RAP1GAP: variants seen among roughly 807,000 people sequenced by gnomAD.
RAP1GAP encodes the protein RAP1 GTPase activating protein.
Under a neutral mutation model 87.2 loss-of-function variants are expected in RAP1GAP, and 35 were observed. That is an observed-to-expected ratio of 0.40 (90% CI 0.31 to 0.53). The LOEUF is 0.53. RAP1GAP is among the 20% of genes least tolerant of loss of function. The pLI is 0.48. For synonymous variants in RAP1GAP, 375 were observed against 363.9 expected, an observed-to-expected ratio of 1.03 and a Z score of -0.35; for missense variants, 734 against 898.9, an observed-to-expected ratio of 0.82 and a Z score of 2.35.
chr1:21,649,910 C>T, intron 1 of RAP1GAP, 114 bp from the exon 2 acceptor site: 2 of 1,132,042 alleles, frequency 1.8e-6, no homozygotes, highest in Non-Finnish European at 1.3e-6. Context: ...TGGAGAAGGT[C>T]CTGTTTCTAA....
rs74060015 is a variant in RAP1GAP, at chr1:21,600,223, C to T, written c.1653-606G>A. On this transcript the variant is annotated intron_variant, in intron 20 of 24. Coordinates refer to ENST00000374765, the MANE Select transcript of RAP1GAP (RefSeq NM_002885.4). ...CTCAAATCCCGAAAAGCAAATGTGC[C>T]TTTAAAAAATCAGCCTAGGGCTCTC... Among the ~76,000 whole-genome samples the T allele has an allele frequency of 6.1e-3, 924 of 152,298 alleles. 7 individuals carry two copies. Among genetic ancestry groups the T allele is most frequent in the Middle Eastern group, 0.024 (7 of 294 alleles).
At chr1:21,628,022 G>A (rs1374559387) in intron 2 of RAP1GAP, among the ~76,000 whole-genome samples, 1 of 152,170 alleles carries the variant, frequency 6.6e-6, no homozygotes, top group Non-Finnish European at 1.5e-5. Flanking sequence ...CAGAGCCTGG[G>A]CAGCTCATGG....
At chr1:21,631,255 G>A (rs974590448) in intron 2 of RAP1GAP, among the ~76,000 whole-genome samples, 3 of 152,214 alleles carry the variant, frequency 2.0e-5, no homozygotes, top group Non-Finnish European at 4.4e-5. Flanking sequence ...AGCAGCTGCG[G>A]GGAGCCCAGA....
In RAP1GAP at chr1:21,613,691, T is replaced by C. The variant is rs749848589; in HGVS notation, c.411A>G (p.Thr137=). Residue 137 remains threonine, a synonymous_variant, in exon 9 of 25, where the codon ACA becomes ACG. Transcript: ENST00000374765. This position sits in a 1 kb window ranked among gnomAD's most constrained non-coding sequence, Gnocchi z 4.7. ...LRLLLRTKCR[T]YHDVIPISCL... ...AGGAGATGGGGATGACATCATGGTA[T>C]GTCCGGCACTTGGTCCTGAGAAGAG... 5 of 1,613,148 alleles carry C rather than the reference T, an allele frequency of 3.1e-6. No individual in the cohort carries two copies. Among genetic ancestry groups the C allele is most frequent in the Non-Finnish European group, 4.2e-6 (5 of 1,179,458 alleles).
intron 1 of RAP1GAP, among the ~76,000 whole-genome samples, chr1:21,663,433 A>C (rs1031784502): frequency 6.6e-6 from 1 of 152,160 alleles, no homozygotes; most frequent in Non-Finnish European, 1.5e-5. Context: ...GGTGATGGTG[A>C]CATCAGCTCA....
intron 16 of RAP1GAP, among the ~76,000 whole-genome samples, 169 bp from the exon 17 acceptor site, chr1:21,608,519 A>C (rs2076242959): frequency 6.7e-6 from 1 of 150,362 alleles, no homozygotes; most frequent in Admixed American, 6.6e-5. Flanking sequence ...TCCACAGCTC[A>C]AGCATCCCCC....
At chr1:21,651,943 C>G in intron 1 of RAP1GAP, 2 of 839,438 alleles carry the variant, frequency 2.4e-6, no homozygotes, top group Non-Finnish European at 2.9e-6. Flanking sequence ...TACGTCCGCG[C>G]CCCAGCGGGC....
Position 21,669,162 on chromosome 1 carries a change from C to T in RAP1GAP, c.-149+92G>A, listed in dbSNP as rs534309377. The T allele has an allele frequency of 7.5e-6, 9 of 1,193,284 alleles. No homozygotes were observed. Among genetic ancestry groups the T allele is most frequent in the South Asian group, 1.5e-5 (1 of 68,366 alleles). 73.9% of individuals were successfully genotyped at this position (1,193,284 alleles called of 1,614,324 possible). A position where few individuals can be genotyped will look rare whatever the true frequency, so the allele number is the denominator to read the frequency against. On this transcript the variant is annotated intron_variant, in intron 1 of 24. Transcript: ENST00000374765. The surrounding 1 kb of genome is among the most constrained non-coding windows in gnomAD (Gnocchi z 5.6). ...CCCCCACCCTCCGTCCCCGCCCGCC[C>T]GCGCGGGGTCTTCGCTGCGAGCCGA...
intron 1 of RAP1GAP, among the ~76,000 whole-genome samples, chr1:21,652,105 A>G (rs991454427): frequency 2.7e-5 from 2 of 74,144 alleles, no homozygotes; most frequent in African/African-American, 5.0e-5. Context: ...CCCCTCCCCC[A>G]CCCCCTTCCC....
In RAP1GAP at chr1:21,666,399, C is replaced by T. The variant is rs114644431; in HGVS notation, c.-149+2855G>A. ...ACCCCAGAGCCGCTTGGAGCCTGCACTGGGTCCTGTCCTGTCTTGGGAAGG... is the reference window on the plus strand; with the variant it reads ...ACCCCAGAGCCGCTTGGAGCCTGCATTGGGTCCTGTCCTGTCTTGGGAAGG... On this transcript the variant is annotated intron_variant, in intron 1 of 24. Coordinates refer to ENST00000374765, the MANE Select transcript of RAP1GAP (RefSeq NM_002885.4). 6.3e-3 allele frequency among the ~76,000 whole-genome samples: 961 copies of T among 152,364 alleles called. 11 individuals are homozygous for T. The highest frequency in any genetic ancestry group is 0.022 in the African/African-American group (916 of 41,594).
intron 2 of RAP1GAP, 118 bp from the exon 3 acceptor site, chr1:21,626,515 G>T (rs1207421719): frequency 2.5e-6 from 2 of 809,318 alleles, no homozygotes; most frequent in Non-Finnish European, 2.1e-6. Flanking sequence ...CGGAGGAGAG[G>T]GTCATGGGTT....
chr1:21,611,775 G>A lies in RAP1GAP; in HGVS notation c.654C>T (p.Pro218=), dbSNP rs200167247. 192 of 1,614,036 alleles carry A rather than the reference G, an allele frequency of 1.2e-4. No individual in the cohort carries two copies. In the Admixed American group the frequency reaches 1.4e-3, roughly 12 times the overall value. Residue 218 remains proline (P), a synonymous_variant, in exon 12 of 25, where the codon CCC becomes CCT. Transcript: ENST00000374765. ...GAAATTCAAGGAACTCCACGAAAGC[G>A]GGACTTTCCTCATTGGTGCTGAAGA... is the stretch of plus-strand genomic sequence containing the variant. ...EELFSTNEES[P]AFVEFLEFLG...
chr1:21,620,579 A>G (rs190701010), intron 3 of RAP1GAP, among the ~76,000 whole-genome samples: 10 of 152,138 alleles, frequency 6.6e-5, no homozygotes, highest in Admixed American at 2.6e-4. Context: ...ACCCTCGCAC[A>G]CTCGAGCTAC....
At chr1:21,626,258 G>C (rs760052025) in intron 3 of RAP1GAP, 46 bp downstream of exon 3, 19 of 1,478,912 alleles carry the variant, frequency 1.3e-5, no homozygotes, top group Non-Finnish European at 1.8e-5. Context: ...ATGTGTCGGA[G>C]GTAGGGGGCA....
At position 21,665,397 on chromosome 1, in the gene RAP1GAP, C is replaced by T. The variant is rs778068715; in HGVS notation, c.-149+3857G>A. ...CAAAGCACCGGGCTGTGGCAGGGAC[C>T]ACAGGACCCAGCTCATCTCTGTGCC... On this transcript the variant is annotated intron_variant, in intron 1 of 24. Transcript: ENST00000374765. 372 of 357,386 alleles carry T rather than the reference C, an allele frequency of 1.0e-3. 1 individual carries two copies. Among genetic ancestry groups the T allele is most frequent in the Middle Eastern group, 3.8e-4 (1 of 2,614 alleles). 22.1% of individuals were successfully genotyped at this position (357,386 alleles called of 1,614,324 possible). A position where few individuals can be genotyped will look rare whatever the true frequency, so the allele number is the denominator to read the frequency against.
chr1:21,658,285 A>G (rs2096943645), intron 1 of RAP1GAP, among the ~76,000 whole-genome samples: 1 of 152,192 alleles, frequency 6.6e-6, no homozygotes, highest in Non-Finnish European at 1.5e-5. Context: ...ATCTAAGGGT[A>G]GGCCGGGCTC....
At chr1:21,660,775 C>A (rs1298617155) in intron 1 of RAP1GAP, among the ~76,000 whole-genome samples, 1 of 152,182 alleles carries the variant, frequency 6.6e-6, no homozygotes, top group Non-Finnish European at 1.5e-5. Flanking sequence ...CTTGTGCTCA[C>A]GAACGGCTTG....
rs1372163129 is a variant in RAP1GAP at position 21,622,884 on chromosome 1, T to TG, written c.-18-2835dup. On this transcript the variant is annotated intron_variant, in intron 3 of 24. Transcript: ENST00000374765. This position sits in a 1 kb window ranked among gnomAD's most constrained non-coding sequence, Gnocchi z 5.7. ...CTTTTCTTGAGCACCTACTTAATGC[T>TG]GGGCCCTTCGCATGTGTCGTAATCT... 2 of 152,218 alleles carry TG rather than the reference T, an allele frequency of 1.3e-5. No homozygotes were observed. The highest frequency in any genetic ancestry group is 2.9e-5 in the Non-Finnish European group (2 of 68,060). The allele number at this position is 152,218 out of a possible 1,614,324, so 9.4% of individuals were successfully genotyped here.
intron 2 of RAP1GAP, among the ~76,000 whole-genome samples, chr1:21,627,852 C>A (rs961174598): frequency 6.6e-6 from 1 of 152,118 alleles, no homozygotes; most frequent in East Asian, 1.9e-4. Context: ...GAGGGGTCTG[C>A]GCTGGGCAAT....
Sources: gnomAD v4.1 joint callset for allele counts (sites outside exome capture counted in the v4.1 genomes callset) on GRCh38, gnomAD v4.1.1 for gene constraint, Gnocchi (gnomAD v3.1) non-coding constraint, MANE v1.5 for transcripts, NCBI Gene and HGNC (gene_info 2026-07-23, HGNC 2026-07-21) for gene names.